The following PRORP variants were observed in gnomAD, a reference collection of about 807,000 sequenced individuals.
PRORP encodes protein only RNase P catalytic subunit.
Under a neutral mutation model 59.4 loss-of-function variants are expected in PRORP, and 51 were observed. That is an observed-to-expected ratio of 0.86 (90% CI 0.69 to 1.08). The LOEUF (loss-of-function observed/expected upper bound fraction) is 1.08, where lower values mean the gene tolerates loss of function less well. Among genes scored for constraint, PRORP ranks in the 50% least tolerant of loss-of-function variants. The probability of loss-of-function intolerance (pLI) is 0.00; values close to 1 mark genes in which losing one functional copy is unlikely to be tolerated. For missense variants in PRORP, 646 were observed against 690.3 expected, an observed-to-expected ratio of 0.94 and a Z score of 0.72; for synonymous variants, 231 against 245.6, an observed-to-expected ratio of 0.94 and a Z score of 0.55.
At chr14:35,272,034 C>CAA (rs34728568) in intron 7 of PRORP, among the ~76,000 whole-genome samples, 2 of 136,796 alleles carry the variant, frequency 1.5e-5, no homozygotes, top group African/African-American at 5.2e-5. Flanking sequence ...TCAAAAAAAA[C>CAA]AAAAAAAAAC....
chr14:35,262,369 C>G (rs1480273695), intron 5 of PRORP: 3 of 301,768 alleles, frequency 9.9e-6, no homozygotes, highest in Non-Finnish European at 1.3e-5. Context: ...AGATGTTTGC[C>G]TTTTATTACT....
chr14:35,151,747 C>T lies in PRORP; in HGVS notation c.1167+24136C>T, dbSNP rs191866107. Among the ~76,000 whole-genome samples, 501 of 151,860 alleles carry T rather than the reference C, an allele frequency of 3.3e-3. 4 individuals carry two copies. Among genetic ancestry groups the T allele is most frequent in the African/African-American group, 0.011 (469 of 41,376 alleles). On this transcript the variant is annotated intron_variant, in intron 4 of 7. Coordinates refer to ENST00000534898, the MANE Select transcript of PRORP (RefSeq NM_014672.4). Reference sequence around the variant, plus strand: ...CACAAGGGTAGGGATTTTTAAATGCCTGTTTAGAACACTGTTGTATCCTCA... The same window carrying T: ...CACAAGGGTAGGGATTTTTAAATGCTTGTTTAGAACACTGTTGTATCCTCA...
At chr14:35,176,532 G>C (rs2048454738) in intron 4 of PRORP, among the ~76,000 whole-genome samples, 1 of 152,022 alleles carries the variant, frequency 6.6e-6, no homozygotes, top group Admixed American at 6.6e-5. Flanking sequence ...TCATGATTTG[G>C]CTCTCTGTTT....
At chr14:35,163,306 T>G (rs2048107048) in intron 4 of PRORP, among the ~76,000 whole-genome samples, 1 of 152,160 alleles carries the variant, frequency 6.6e-6, no homozygotes. Flanking sequence ...TTATGTACTC[T>G]TGCTGTATTT....
intron 4 of PRORP, chr14:35,158,823 A>C: frequency 3.2e-6 from 1 of 317,130 alleles, no homozygotes; most frequent in Non-Finnish European, 6.2e-6. Context: ...CAGTCTTTTT[A>C]GTAATAATTC....
chr14:35,160,716 T>G (rs1595214403), intron 4 of PRORP, among the ~76,000 whole-genome samples: 1 of 55,428 alleles, frequency 1.8e-5, no homozygotes, highest in Non-Finnish European at 4.5e-5. Flanking sequence ...AGATTCTGTA[T>G]TTTTTTGTTG....
chr14:35,194,791 A>G (rs2048969299), intron 5 of PRORP, among the ~76,000 whole-genome samples: 1 of 152,242 alleles, frequency 6.6e-6, no homozygotes. Flanking sequence ...TAAAGAAAGT[A>G]GCATCCAATA....
intron 5 of PRORP, among the ~76,000 whole-genome samples, chr14:35,209,972 A>G (rs922053369): frequency 8.5e-5 from 13 of 152,074 alleles, no homozygotes; most frequent in African/African-American, 3.1e-4. Context: ...TCACTAGAGC[A>G]CTCTCTCTAA....
intron 4 of PRORP, among the ~76,000 whole-genome samples, chr14:35,167,867 A>G (rs1336984325): frequency 6.6e-6 from 1 of 152,194 alleles, no homozygotes; most frequent in African/African-American, 2.4e-5. Flanking sequence ...AATAATGCAT[A>G]CTCAAAACTT....
chr14:35,160,514 A>G (rs1056013099), intron 4 of PRORP, among the ~76,000 whole-genome samples: 1 of 152,136 alleles, frequency 6.6e-6, no homozygotes, highest in African/African-American at 2.4e-5. Flanking sequence ...AATTGCCCAA[A>G]CTATTTTCTT....
At chr14:35,218,550 A>T (rs2049682013) in intron 5 of PRORP, among the ~76,000 whole-genome samples, 1 of 114,632 alleles carries the variant, frequency 8.7e-6, no homozygotes, top group South Asian at 3.1e-4. Context: ...TTGTTGAGAC[A>T]GAGTCTTGCT....
At chr14:35,130,352 A>G (rs917722682) in intron 4 of PRORP, among the ~76,000 whole-genome samples, 2 of 151,648 alleles carry the variant, frequency 1.3e-5, no homozygotes, top group Non-Finnish European at 2.9e-5. Context: ...TAGTCTTTCT[A>G]AAGATAAGAG....
intron 4 of PRORP, among the ~76,000 whole-genome samples, chr14:35,128,910 TATTTGGCCGGGC>T (rs2047163416): frequency 6.6e-6 from 1 of 152,010 alleles, no homozygotes; most frequent in African/African-American, 2.4e-5. Flanking sequence ...TTAAGACGCA[TATTTGGCCGGGC>T]GCGATGGCTC....
At position 35,230,938 on chromosome 14, in the gene PRORP, AACACACACACACACAC is replaced by A. The variant is rs60270535; in HGVS notation, c.1276-35762_1276-35747del. 2.4e-3 allele frequency among the ~76,000 whole-genome samples: 353 copies of A among 144,564 alleles called. 2 individuals carry two copies. Among genetic ancestry groups the A allele is most frequent in the Middle Eastern group, 3.6e-3 (1 of 278 alleles). 94.8% of individuals were successfully genotyped at this position (144,564 alleles called of 152,430 possible). ...CAACTGTGTAAAGACAGGAAAAGAG[AACACACACACACACAC>A]ACACACACACACACACACACACACA... On this transcript the variant is annotated intron_variant, in intron 5 of 7. Transcript: ENST00000534898.
chr14:35,141,986 C>T (rs2047490985), intron 4 of PRORP, among the ~76,000 whole-genome samples: 1 of 145,328 alleles, frequency 6.9e-6, no homozygotes, highest in East Asian at 2.3e-4. Flanking sequence ...TCAAACGATT[C>T]TCCTGCCTCA....
rs11294873 is a variant in PRORP at position 35,275,797 on chromosome 14, TAAAA to T, written c.*2244_*2247del. On this transcript the variant is annotated 3_prime_UTR_variant, in exon 8 of 8. Transcript: ENST00000534898. ...GGCAACATAGCAAGACCCTGTCTCT[TAAAA>T]AAAAAAAAAAAAGACGGGAGAAGCT... The T allele has an allele frequency of 3.6e-5, 5 of 139,750 alleles. No individual in the cohort carries two copies. Among genetic ancestry groups the T allele is most frequent in the Admixed American group, 7.1e-5 (1 of 14,060 alleles). 8.7% of individuals were successfully genotyped at this position (139,750 alleles called of 1,614,324 possible).
At chr14:35,227,636 CA>C (rs796525954) in intron 5 of PRORP, among the ~76,000 whole-genome samples, 14 of 152,144 alleles carry the variant, frequency 9.2e-5, no homozygotes, top group African/African-American at 3.1e-4. Context: ...GAACTCCCAC[CA>C]AAAATATCCT....
At chr14:35,151,202 T>A (rs1194007367) in intron 4 of PRORP, among the ~76,000 whole-genome samples, 1 of 152,184 alleles carries the variant, frequency 6.6e-6, no homozygotes, top group Non-Finnish European at 1.5e-5. Context: ...AGATTCTGCC[T>A]AGGATTTTTG....
chr14:35,237,073 T>TCCCTTCCTTCCTTTCCTC (rs138325887), intron 5 of PRORP, among the ~76,000 whole-genome samples: 1 of 110,876 alleles, frequency 9.0e-6, no homozygotes. Context: ...TTCCTTTCCT[T>TCCCTTCCTTCCTTTCCTC]CCTTCCTTCC....
Sources: gnomAD v4.1 joint callset for allele counts (sites outside exome capture counted in the v4.1 genomes callset) on GRCh38, gnomAD v4.1.1 for gene constraint, MANE v1.5 for transcripts, NCBI Gene and HGNC (gene_info 2026-07-23, HGNC 2026-07-21) for gene names.